AKAP11: variants seen among roughly 807,000 people sequenced by gnomAD.
AKAP11 encodes A-kinase anchor protein 11.
A neutral mutation model predicts 146.1 loss-of-function variants in AKAP11; 36 were observed. The observed-to-expected ratio is 0.25, with a 90% CI of 0.19 to 0.33. The LOEUF is 0.33. Ranked by LOEUF, AKAP11 falls within the 10% of genes least tolerant of loss-of-function variation. The pLI is 1.00. For missense variants in AKAP11, 2,201 were observed against 2,197.0 expected, an observed-to-expected ratio of 1.00 and a Z score of -0.04; for synonymous variants, 780 against 786.5, an observed-to-expected ratio of 0.99 and a Z score of 0.14.
At chr13:42,288,343 C>A (rs1258568478) in intron 3 of AKAP11, among the ~76,000 whole-genome samples, 3 of 152,140 alleles carry the variant, frequency 2.0e-5, no homozygotes, top group African/African-American at 7.2e-5. Flanking sequence ...AATACACACA[C>A]AAACCCACGT....
At position 42,303,379 on chromosome 13, in the gene AKAP11, A is replaced by G. The variant is rs200538363; in HGVS notation, c.4633A>G (p.Lys1545Glu). The G allele has an allele frequency of 6.2e-7, 1 of 1,613,554 alleles. No homozygotes were observed. The highest frequency in any genetic ancestry group is 1.6e-4 in the Middle Eastern group (1 of 6,062). Reference protein sequence around the residue: ...NVVQAVEQYAKKVVDDTLELT... With the variant: ...NVVQAVEQYAEKVVDDTLELT... ...TGTTCAAGCTGTAGAACAGTATGCC[A>G]AAAAAGTAGTGGATGACACTCTAGA... Residue 1545 changes from lysine (K) to glutamate (E), a missense_variant, in exon 8 of 13, where the codon AAA becomes GAA. Lys to Glu is a moderately conservative substitution (Grantham distance 56). Around this residue, in one of 3 missense-constraint regions of AKAP11, gnomAD observed 1,867 missense variants for 1,833.5 expected, o/e 1.02. Transcript: ENST00000025301.
chr13:42,278,982 T>G (rs372884808), intron 1 of AKAP11, among the ~76,000 whole-genome samples: 7 of 152,148 alleles, frequency 4.6e-5, no homozygotes, highest in African/African-American at 1.4e-4. Context: ...TCCATTGTCT[T>G]GTTTTCCGGT....
chr13:42,311,731 GATTA>G (rs1287301892), intron 9 of AKAP11, among the ~76,000 whole-genome samples: 3 of 151,978 alleles, frequency 2.0e-5, no homozygotes, highest in African/African-American at 2.4e-5. Flanking sequence ...TGTTTGAGAT[GATTA>G]ATTTTCTTTT....
Position 42,299,643 on chromosome 13 carries a change from T to G in AKAP11, c.897T>G (p.Phe299Leu), listed in dbSNP as rs1360785263. 3 of 1,613,902 alleles carry G rather than the reference T, an allele frequency of 1.9e-6. No individual in the cohort carries two copies. Among genetic ancestry groups the G allele is most frequent in the African/African-American group, 1.3e-5 (1 of 75,010 alleles). ...ATAGTGATTTACAGAAAACATTTTT[T>G]TCGTCTTCTCCTGCCTACTCATCTG... The part of the protein sequence containing the change: ...DKDSDLQKTF[F>L]SSSPAYSSES... The change falls in exon 8 of 13, where the codon TTT becomes TTG. Residue 299 changes from phenylalanine to leucine, a missense_variant. Phe to Leu is a conservative substitution (Grantham distance 22). Transcript: ENST00000025301.
intron 1 of AKAP11, among the ~76,000 whole-genome samples, chr13:42,276,561 A>C (rs930259229): frequency 6.6e-6 from 1 of 152,106 alleles, no homozygotes; most frequent in Non-Finnish European, 1.5e-5. Flanking sequence ...GGATATTCCT[A>C]TGTTGATATA....
chr13:42,297,991 TGA>T (rs981025860), intron 6 of AKAP11, among the ~76,000 whole-genome samples: 3 of 151,882 alleles, frequency 2.0e-5, no homozygotes, highest in African/African-American at 4.8e-5. Context: ...AAAAGTAGTA[TGA>T]GGGGGAAAAT....
chr13:42,280,146 C>G (rs1959029263), intron 1 of AKAP11, among the ~76,000 whole-genome samples: 1 of 152,170 alleles, frequency 6.6e-6, no homozygotes, highest in Non-Finnish European at 1.5e-5. Flanking sequence ...GTGAAACCAC[C>G]AGACTGCTTG....
At chr13:42,271,524 G>A (rs1958767685), upstream of AKAP11, among the ~76,000 whole-genome samples, 1 of 152,204 alleles carries the variant, frequency 6.6e-6, no homozygotes, top group Admixed American at 6.5e-5. Flanking sequence ...TTGGGCCTTC[G>A]GATCTGGTGG....
In AKAP11 at chr13:42,291,039, A is replaced by C. The variant is rs770583009; in HGVS notation, c.52-1346A>C. On this transcript the variant is annotated intron_variant, in intron 3 of 12. Coordinates refer to ENST00000025301, the MANE Select transcript of AKAP11 (RefSeq NM_016248.4). ...ATTTGTAATGACAGGTCAGATTCAAATGTAACAGTACAGCTTTTTATCATA... is the reference window on the plus strand; with the variant it reads ...ATTTGTAATGACAGGTCAGATTCAACTGTAACAGTACAGCTTTTTATCATA... Among the ~76,000 whole-genome samples, 122 of 152,234 alleles carry C rather than the reference A, an allele frequency of 8.0e-4. 1 individual carries two copies. The highest frequency in any genetic ancestry group is 3.3e-3 in the Admixed American group (51 of 15,284).
intron 1 of AKAP11, among the ~76,000 whole-genome samples, chr13:42,278,547 T>A (rs1958982127): frequency 6.6e-6 from 1 of 152,238 alleles, no homozygotes; most frequent in African/African-American, 2.4e-5. Flanking sequence ...TGTAGAAATC[T>A]ATGACAGTCT....
rs577169559 is a variant in AKAP11, at chr13:42,289,399, A to G, written c.52-2986A>G. On this transcript the variant is annotated intron_variant, in intron 3 of 12. Transcript: ENST00000025301. ...TTTCCCCACATTAATTCACTAATTT[A>G]TTTGTAATGCTCTGGACTCATGGAT... Among the ~76,000 whole-genome samples the G allele has an allele frequency of 2.0e-5, 3 of 152,254 alleles. No individual in the cohort carries two copies. In the South Asian group the frequency reaches 6.2e-4, roughly 32 times the overall value.
chr13:42,274,557 G>A (rs1958868013), intron 1 of AKAP11, among the ~76,000 whole-genome samples: 1 of 152,134 alleles, frequency 6.6e-6, no homozygotes, highest in African/African-American at 2.4e-5. Context: ...TATGGCACAT[G>A]CCTGTAATCC....
rs748775838 is a variant in AKAP11 at position 42,301,159 on chromosome 13, C to G, written c.2413C>G (p.Leu805Val). ...SSTACQAKAH[L>V]SSDDSNSNGD... The stretch of plus-strand genomic sequence containing the variant: ...TACTGCATGTCAGGCCAAGGCTCAT[C>G]TGTCATCTGATGATAGTAATTCAAA... Residue 805 changes from leucine to valine, a missense_variant, in exon 8 of 13, where the codon CTG becomes GTG. By Grantham distance (32) the Leu-to-Val change is conservative (BLOSUM62 1). Coordinates refer to ENST00000025301, the MANE Select transcript of AKAP11 (RefSeq NM_016248.4). 59 of 1,614,102 alleles carry G rather than the reference C, an allele frequency of 3.7e-5. No homozygotes were observed. Among genetic ancestry groups the G allele is most frequent in the Non-Finnish European group, 5.0e-5 (59 of 1,179,976 alleles).
chr13:42,305,350 A>G (rs760979488), intron 8 of AKAP11, among the ~76,000 whole-genome samples: 11 of 152,146 alleles, frequency 7.2e-5, no homozygotes, highest in South Asian at 4.1e-4. Context: ...CATAGCGTCT[A>G]CTTGAGATGA....
intron 11 of AKAP11, among the ~76,000 whole-genome samples, chr13:42,314,863 T>C (rs1960745105): frequency 6.6e-6 from 1 of 152,180 alleles, no homozygotes; most frequent in South Asian, 2.1e-4. Flanking sequence ...TTTTGGACCA[T>C]AGTTTGTAAT....
Position 42,300,810 on chromosome 13 carries a change from G to T in AKAP11, c.2064G>T (p.Leu688Phe), listed in dbSNP as rs962617155. The T allele has an allele frequency of 1.9e-6, 3 of 1,613,988 alleles. No individual in the cohort carries two copies. In the African/African-American group the frequency reaches 4.0e-5, roughly 22 times the overall value. ...ACTTTGAAGACAAAGTAGTGAAGTT[G>T]TATGCAAAAGATTTGTCTGAATCTG... ...SFDFEDKVVK[L>F]YAKDLSESVI... The change falls in exon 8 of 13, where the codon TTG becomes TTT. Residue 688 changes from leucine to phenylalanine, a missense_variant. Coordinates refer to ENST00000025301, the MANE Select transcript of AKAP11 (RefSeq NM_016248.4).
intron 1 of AKAP11, among the ~76,000 whole-genome samples, chr13:42,274,999 G>T (rs1958879876): frequency 6.6e-6 from 1 of 152,162 alleles, no homozygotes; most frequent in Non-Finnish European, 1.5e-5. Flanking sequence ...TCCCGTAATG[G>T]TTTGAGGATT....
chr13:42,272,501 C>T (rs948330143), intron 1 of AKAP11, among the ~76,000 whole-genome samples: 27 of 152,186 alleles, frequency 1.8e-4, no homozygotes, highest in Admixed American at 2.0e-4. Context: ...TTCCTGGGGT[C>T]CCAAGTGTGG....
In AKAP11 at chr13:42,303,231, TGAA is replaced by T; in HGVS notation, c.4491_4493del (p.Glu1497del). 6.2e-7 allele frequency: 1 copy of T among 1,614,080 alleles called. No homozygotes were observed. Among genetic ancestry groups the T allele is most frequent in the Non-Finnish European group, 8.5e-7 (1 of 1,180,020 alleles). The stretch of plus-strand genomic sequence containing the variant: ...CTTGCTTGTTTGAAAAATCTGGATA[TGAA>T]GAAGATAATGAGTGTCACGTTACAC... On this transcript the variant is annotated inframe_deletion, in exon 8 of 13. Coordinates refer to ENST00000025301, the MANE Select transcript of AKAP11 (RefSeq NM_016248.4).
Sources: gnomAD v4.1 joint callset for allele counts (sites outside exome capture counted in the v4.1 genomes callset) on GRCh38, gnomAD v4.1.1 for gene constraint, gnomAD v4.1.1 regional missense constraint, MANE v1.5 for transcripts, NCBI Gene and HGNC (gene_info 2026-07-23, HGNC 2026-07-21) for gene names.